Variants in IGFBP7 observed in about 807,000 individuals in gnomAD.
IGFBP7 encodes the protein insulin-like growth factor-binding protein 7.
IGFBP7 carries 31 observed loss-of-function variants against 29.4 expected under a neutral mutation model. The ratio of observed to expected loss-of-function variants is 1.05; its 90% CI spans 0.79 to 1.42. The LOEUF (loss-of-function observed/expected upper bound fraction) is 1.42. IGFBP7 is among the 40% of genes most tolerant of loss of function. The probability of loss-of-function intolerance (pLI) is 0.00; values close to 1 mark genes in which losing one functional copy is unlikely to be tolerated. For synonymous variants in IGFBP7, 172 were observed against 174.9 expected (o/e 0.98, Z 0.13); for missense variants, 393 against 395.5 (o/e 0.99, Z 0.05).
chr4:57,087,187 C>T (rs959353659), intron 1 of IGFBP7, among the ~76,000 whole-genome samples: 4 of 152,230 alleles, frequency 2.6e-5, no homozygotes, highest in Admixed American at 6.5e-5. Context: ...AACACTCACA[C>T]ATTTAAGTGA....
intron 2 of IGFBP7, among the ~76,000 whole-genome samples, chr4:57,034,639 C>T (rs1331973924): frequency 1.3e-5 from 2 of 152,078 alleles, no homozygotes; most frequent in Non-Finnish European, 2.9e-5. Flanking sequence ...GATCCCACTC[C>T]TACCATGTGT....
At chr4:57,083,327 T>G (rs1266774921) in intron 1 of IGFBP7, among the ~76,000 whole-genome samples, 1 of 152,202 alleles carries the variant, frequency 6.6e-6, no homozygotes, top group East Asian at 1.9e-4. Context: ...TGAGAAATTT[T>G]CAAAAAATTT....
chr4:57,057,006 A>AT (rs139810572), intron 1 of IGFBP7, among the ~76,000 whole-genome samples: 24 of 151,384 alleles, frequency 1.6e-4, no homozygotes, highest in African/African-American at 4.6e-4. Flanking sequence ...TCTATAGTAG[A>AT]TTTTTTTTTC....
At position 57,095,761 on chromosome 4, in the gene IGFBP7, C is replaced by A. The variant is rs192423026; in HGVS notation, c.475+14116G>T. 3.9e-5 allele frequency among the ~76,000 whole-genome samples: 6 copies of A among 152,200 alleles called. No homozygotes were observed. The East Asian group carries it at 1.2e-3, about 29-fold the overall frequency. Reference sequence around the variant, plus strand: ...AGGGATAATTTGAGAAGATGCCCATCGGAAAGGCCTCAGCCAAGTGACAAG... The same window carrying A: ...AGGGATAATTTGAGAAGATGCCCATAGGAAAGGCCTCAGCCAAGTGACAAG... On this transcript the variant is annotated intron_variant, in intron 1 of 4. Coordinates refer to ENST00000295666, the MANE Select transcript of IGFBP7 (RefSeq NM_001553.3).
In IGFBP7 at chr4:57,098,223, G is replaced by A. The variant is rs59041118; in HGVS notation, c.475+11654C>T. Among the ~76,000 whole-genome samples the A allele has an allele frequency of 1.1e-3, 172 of 152,288 alleles. 3 individuals carry two copies. The East Asian group carries it at 0.029, about 26-fold the overall frequency. ...GGGACGGAGTTAGGAGGAGTGGACC[G>A]AGCAGGACTCACCATTTATAAAGTT... On this transcript the variant is annotated intron_variant, in intron 1 of 4. Transcript: ENST00000295666.
In IGFBP7 at chr4:57,068,428, G is replaced by A. The variant is rs116195213; in HGVS notation, c.476-27495C>T. On this transcript the variant is annotated intron_variant, in intron 1 of 4. Transcript: ENST00000295666. ...TGTAGACACAACACCCAAGGGAGGC[G>A]GGGGAAACGGCAGCCAGTGACAAGC... is the stretch of plus-strand genomic sequence containing the variant. Among the ~76,000 whole-genome samples the A allele has an allele frequency of 2.7e-3, 404 of 152,166 alleles. 3 individuals are homozygous for A. Among genetic ancestry groups the A allele is most frequent in the African/African-American group, 8.8e-3 (364 of 41,520 alleles).
chr4:57,046,022 G>A (rs186573953), intron 1 of IGFBP7, among the ~76,000 whole-genome samples: 4 of 152,226 alleles, frequency 2.6e-5, no homozygotes, highest in East Asian at 1.9e-4. Flanking sequence ...CACTGCACGC[G>A]ACCAAAATCT....
intron 1 of IGFBP7, among the ~76,000 whole-genome samples, chr4:57,056,566 A>T (rs1416478997): frequency 6.6e-6 from 1 of 152,148 alleles, no homozygotes; most frequent in African/African-American, 2.4e-5. Context: ...GAAATCAGGG[A>T]AATGGGGATG....
At chr4:57,032,350 C>T in intron 4 of IGFBP7, 76 bp downstream of exon 4, 8 of 1,568,374 alleles carry the variant, frequency 5.1e-6, no homozygotes, top group Non-Finnish European at 6.9e-6. Flanking sequence ...ACGTCTGATA[C>T]TTTCATACTT....
rs923965573 is a variant in IGFBP7, at chr4:57,109,799, C to T, written c.475+78G>A. 34 of 1,454,062 alleles carry T rather than the reference C, an allele frequency of 2.3e-5. No individual in the cohort carries two copies. In the African/African-American group the frequency reaches 4.4e-4, roughly 19 times the overall value. 90.1% of individuals were successfully genotyped at this position (1,454,062 alleles called of 1,614,324 possible). On this transcript the variant is annotated intron_variant, in intron 1 of 4. Coordinates refer to ENST00000295666, the MANE Select transcript of IGFBP7 (RefSeq NM_001553.3). ...CGCAGTGAGCAGCGCGGGGCGAGGC[C>T]GCCGCGGACGCCCCGTCGGATGTGC...
At chr4:57,105,273 T>G (rs1725995584) in intron 1 of IGFBP7, among the ~76,000 whole-genome samples, 1 of 152,220 alleles carries the variant, frequency 6.6e-6, no homozygotes, top group East Asian at 1.9e-4. Flanking sequence ...ATGTACACAT[T>G]GTGTGAAAAT....
In IGFBP7 at chr4:57,104,745, G is replaced by A. The variant is rs563004936; in HGVS notation, c.475+5132C>T. ...TTACTCGGCAAGGGGATATGGAAAT[G>A]TTGGGATTTGGGGGGAAAAGTTACC... On this transcript the variant is annotated intron_variant, in intron 1 of 4. Transcript: ENST00000295666. Among the ~76,000 whole-genome samples, 100 of 152,282 alleles carry A rather than the reference G, an allele frequency of 6.6e-4. 2 individuals are homozygous for A. The South Asian group carries it at 0.021, about 31-fold the overall frequency.
chr4:57,098,159 G>A (rs1370814842), intron 1 of IGFBP7, among the ~76,000 whole-genome samples: 7 of 152,110 alleles, frequency 4.6e-5, no homozygotes, highest in Admixed American at 1.3e-4. Flanking sequence ...TTGCTTATTC[G>A]CTCTCTCTTG....
intron 1 of IGFBP7, among the ~76,000 whole-genome samples, chr4:57,071,285 T>G (rs1348506161): frequency 2.0e-5 from 3 of 152,256 alleles, no homozygotes; most frequent in African/African-American, 7.2e-5. Flanking sequence ...AGTCAACCAT[T>G]CAATTCCATG....
chr4:57,104,812 G>A (rs866568492), intron 1 of IGFBP7, among the ~76,000 whole-genome samples: 11 of 152,288 alleles, frequency 7.2e-5, no homozygotes, highest in African/African-American at 9.6e-5. Flanking sequence ...CAGAAAGGAA[G>A]GCAAATCAAT....
chr4:57,050,245 G>GTTTT (rs10547708), intron 1 of IGFBP7, among the ~76,000 whole-genome samples: 2 of 137,118 alleles, frequency 1.5e-5, no homozygotes, highest in East Asian at 2.2e-4. Flanking sequence ...TTTTATTTAA[G>GTTTT]TTTTTTTTTT....
At chr4:57,056,007 C>T (rs549109345) in intron 1 of IGFBP7, among the ~76,000 whole-genome samples, 1 of 152,080 alleles carries the variant, frequency 6.6e-6, no homozygotes, top group Non-Finnish European at 1.5e-5. Flanking sequence ...TGTTTTTACC[C>T]TCCAGGCCCC....
At chr4:57,106,409 G>A (rs1304369892) in intron 1 of IGFBP7, among the ~76,000 whole-genome samples, 1 of 152,136 alleles carries the variant, frequency 6.6e-6, no homozygotes. Context: ...TGAGTGTGGA[G>A]GTGAGAGGCG....
intron 1 of IGFBP7, among the ~76,000 whole-genome samples, chr4:57,069,750 G>T (rs1725012357): frequency 1.3e-5 from 2 of 152,122 alleles, no homozygotes. Context: ...TCATTATTGA[G>T]ATTTCTATCT....
Sources: gnomAD v4.1 joint callset for allele counts (sites outside exome capture counted in the v4.1 genomes callset) on GRCh38, gnomAD v4.1.1 for gene constraint, MANE v1.5 for transcripts, NCBI Gene and HGNC (gene_info 2026-07-23, HGNC 2026-07-21) for gene names.